UPF2: variants seen among roughly 807,000 people sequenced by gnomAD.
UPF2 encodes the protein UPF2 regulator of nonsense mediated mRNA decay.
In UPF2, 17 loss-of-function variants were observed where a neutral mutation model predicts 141.4. The observed-to-expected ratio is 0.12, with a 90% CI of 0.08 to 0.18. The LOEUF is 0.18. Among genes scored for constraint, UPF2 ranks in the 10% least tolerant of loss-of-function variants. UPF2 has a pLI of 1.00. For missense variants in UPF2, 1,152 were observed against 1,515.9 expected (o/e 0.76, Z 3.99); for synonymous variants, 540 against 498.0 (o/e 1.08, Z -1.12).
At chr10:11,957,963 G>C (rs1179373358) in intron 12 of UPF2, among the ~76,000 whole-genome samples, 3 of 152,086 alleles carry the variant, frequency 2.0e-5, no homozygotes, top group East Asian at 1.9e-4. Flanking sequence ...GTAAAACGGG[G>C]GATAACAAAA....
rs531187743 is a variant in UPF2 at position 11,939,106 on chromosome 10, G to A, written c.3379-2394C>T. Reference sequence around the variant, plus strand: ...AGGAGGGTCTCGATCTCCTGACCTCGTGATCCTCCCACCTCGGCCTCCCAA... The same window carrying A: ...AGGAGGGTCTCGATCTCCTGACCTCATGATCCTCCCACCTCGGCCTCCCAA... On this transcript the variant is annotated intron_variant, in intron 18 of 21. Coordinates refer to ENST00000357604, the MANE Select transcript of UPF2 (RefSeq NM_015542.4). This position sits in a 1 kb window ranked among gnomAD's most constrained non-coding sequence, Gnocchi z 4.8. 2.6e-4 allele frequency among the ~76,000 whole-genome samples: 40 copies of A among 152,004 alleles called. No individual in the cohort carries two copies. The South Asian group carries it at 8.3e-3, about 32-fold the overall frequency.
At chr10:11,964,824 G>A (rs901023113) in intron 10 of UPF2, among the ~76,000 whole-genome samples, 1 of 152,084 alleles carries the variant, frequency 6.6e-6, no homozygotes, top group South Asian at 2.1e-4. Context: ...AAATGTTTCG[G>A]ATTTCCAATT....
At position 12,029,402 on chromosome 10, in the gene UPF2, C is replaced by A; in HGVS notation, c.488G>T (p.Arg163Leu). Reference protein sequence around the residue: ...DSRPEENFFSRLDSSLKKNTA... With the variant: ...DSRPEENFFSLLDSSLKKNTA... ...ATTTTTCTTCAAACTTGAGTCGAGG[C>A]GGCTGAAGAAGTTTTCCTCTGGTCG... Residue 163 changes from arginine (R) to leucine (L), a missense_variant, in exon 3 of 22, where the codon CGC becomes CTC. Arg to Leu is a moderately radical substitution (Grantham distance 102, BLOSUM62 -2). This residue lies in a region of UPF2 where 739 missense variants were observed against 1,032.2 expected (regional missense o/e 0.72). Transcript: ENST00000357604. The A allele has an allele frequency of 1.9e-6, 3 of 1,614,182 alleles. No individual in the cohort carries two copies. Among genetic ancestry groups the A allele is most frequent in the Non-Finnish European group, 2.5e-6 (3 of 1,180,040 alleles).
chr10:12,038,865 G>C (rs914141068), intron 1 of UPF2, among the ~76,000 whole-genome samples: 1 of 151,932 alleles, frequency 6.6e-6, no homozygotes, highest in Non-Finnish European at 1.5e-5. Context: ...GTCTCAGTAC[G>C]TTGCCCTGGC....
intron 2 of UPF2, 61 bp downstream of exon 2, chr10:12,034,998 T>C (rs1834596098): frequency 6.6e-7 from 1 of 1,505,544 alleles, no homozygotes; most frequent in Non-Finnish European, 8.8e-7. Context: ...TAATGTTTTT[T>C]TCCCAAAATA....
chr10:11,944,226 A>G (rs1832972938), intron 16 of UPF2, among the ~76,000 whole-genome samples: 1 of 152,196 alleles, frequency 6.6e-6, no homozygotes, highest in African/African-American at 2.4e-5. Context: ...GGTCGGCGCC[A>G]TGGCTCACAC....
intron 17 of UPF2, 119 bp from the exon 18 acceptor site, chr10:11,942,882 T>C: frequency 1.1e-6 from 1 of 920,892 alleles, no homozygotes; most frequent in Non-Finnish European, 1.7e-6. Flanking sequence ...GTGAGTAAAA[T>C]ATCTAACATT....
At chr10:11,937,972 A>C (rs1003838879) in intron 18 of UPF2, among the ~76,000 whole-genome samples, 3 of 152,192 alleles carry the variant, frequency 2.0e-5, no homozygotes, top group African/African-American at 7.2e-5. Context: ...TAAAATATTT[A>C]AATACAAAAA....
rs543913593 is a variant in UPF2 at position 11,961,819 on chromosome 10, C to T, written c.2184+2190G>A. 2.6e-5 allele frequency among the ~76,000 whole-genome samples: 4 copies of T among 152,226 alleles called. No homozygotes were observed. In the South Asian group the frequency reaches 6.2e-4, roughly 24 times the overall value. On this transcript the variant is annotated intron_variant, in intron 11 of 21. Coordinates refer to ENST00000357604, the MANE Select transcript of UPF2 (RefSeq NM_015542.4). ...CCTATGGACTGCTTTTCTATCTGTG[C>T]GAAATCATCATATACTAGGAGAAAG...
At chr10:12,017,245 G>A (rs540414863) in intron 3 of UPF2, among the ~76,000 whole-genome samples, 3 of 152,164 alleles carry the variant, frequency 2.0e-5, no homozygotes, top group South Asian at 2.1e-4. Context: ...AAAAGAAATC[G>A]GAAAATATAT....
At chr10:12,007,978 G>C (rs1834063431) in intron 4 of UPF2, among the ~76,000 whole-genome samples, 1 of 151,496 alleles carries the variant, frequency 6.6e-6, no homozygotes, top group Non-Finnish European at 1.5e-5. Context: ...TGCCTCCTGG[G>C]TTCAAGCAAT....
At chr10:11,938,959 G>A (rs1832901805) in intron 18 of UPF2, among the ~76,000 whole-genome samples, 1 of 136,150 alleles carries the variant, frequency 7.3e-6, no homozygotes, top group African/African-American at 2.7e-5. Flanking sequence ...TGAAACCTCT[G>A]CCTCCTGGGT....
chr10:11,929,786 T>C, intron 21 of UPF2, 79 bp downstream of exon 21: 1 of 1,539,098 alleles, frequency 6.5e-7, no homozygotes, highest in Non-Finnish European at 8.8e-7. Flanking sequence ...TGCCAAAAAC[T>C]ATAATCCAGA....
Position 12,014,019 on chromosome 10 carries a change from C to CA in UPF2, c.1306+4_1306+5insT. The CA allele has an allele frequency of 6.5e-7, 1 of 1,540,910 alleles. No homozygotes were observed. The highest frequency in any genetic ancestry group is 8.8e-7 in the Non-Finnish European group (1 of 1,139,292). Reference sequence around the variant, plus strand: ...ACAATGTTTGTTTTTAAGGATATCTCTTACCTTCTGGTGTTGGTTTGTCTT... The same window carrying CA: ...ACAATGTTTGTTTTTAAGGATATCTCATTACCTTCTGGTGTTGGTTTGTCTT... On this transcript the variant is annotated splice_donor_region_variant and intron_variant, in intron 4 of 21. Transcript: ENST00000357604. This position sits in a 1 kb window ranked among gnomAD's most constrained non-coding sequence, Gnocchi z 5.0.
chr10:11,944,418 T>G (rs750055524), intron 16 of UPF2, among the ~76,000 whole-genome samples: 21 of 152,102 alleles, frequency 1.4e-4, no homozygotes, highest in Non-Finnish European at 2.1e-4. Flanking sequence ...CACTGGAATC[T>G]GGGAGGCAGA....
At chr10:11,988,110 C>T (rs73573516) in intron 8 of UPF2, among the ~76,000 whole-genome samples, 330 of 152,232 alleles carry the variant, frequency 2.2e-3, no homozygotes, top group African/African-American at 7.6e-3. Context: ...TGAATAGATA[C>T]TTCTCCAAAG....
At position 12,019,740 on chromosome 10, in the gene UPF2, T is replaced by C. The variant is rs1834285198; in HGVS notation, c.1146-5556A>G. ...TGGAGTGTTTTTTTTTGTTTTGTTT[T>C]TGAGATGGATTCTCGCTCTGCTGCC... On this transcript the variant is annotated intron_variant, in intron 3 of 21. Transcript: ENST00000357604. The surrounding 1 kb of genome is among the most constrained non-coding windows in gnomAD (Gnocchi z 4.5). Among the ~76,000 whole-genome samples, 1 of 152,202 alleles carries C rather than the reference T, an allele frequency of 6.6e-6. No individual in the cohort carries two copies. Among genetic ancestry groups the C allele is most frequent in the Admixed American group, 6.5e-5 (1 of 15,278 alleles).
rs916759533 is a variant in UPF2, at chr10:11,963,984, C to T, written c.2184+25G>A. 3 of 1,550,906 alleles carry T rather than the reference C, an allele frequency of 1.9e-6. No individual in the cohort carries two copies. In the African/African-American group the frequency reaches 4.1e-5, roughly 21 times the overall value. On this transcript the variant is annotated intron_variant, in intron 11 of 21. Transcript: ENST00000357604. Reference sequence around the variant, plus strand: ...ACAGGTAAATCAAGAACCTCTAGCTCTTACCAGCATCCTCAAGCCCTTACC... The same window carrying T: ...ACAGGTAAATCAAGAACCTCTAGCTTTTACCAGCATCCTCAAGCCCTTACC...
chr10:11,998,209 GTC>G lies in UPF2; in HGVS notation c.1759-454_1759-453del, dbSNP rs1455374988. ...AGCCTGATAAGCGGCCTCAGTGAAGGTCTCTCTGACCAACCCTTGTTTCTCTT... is the reference window on the plus strand; with the variant it reads ...AGCCTGATAAGCGGCCTCAGTGAAGGTCTCTGACCAACCCTTGTTTCTCTT... On this transcript the variant is annotated intron_variant, in intron 7 of 21. Transcript: ENST00000357604. This position sits in a 1 kb window ranked among gnomAD's most constrained non-coding sequence, Gnocchi z 4.5. 6.6e-6 allele frequency among the ~76,000 whole-genome samples: 1 copy of G among 152,072 alleles called. No individual in the cohort carries two copies. The highest frequency in any genetic ancestry group is 1.5e-5 in the Non-Finnish European group (1 of 68,016).
Sources: gnomAD v4.1 joint callset for allele counts (sites outside exome capture counted in the v4.1 genomes callset) on GRCh38, gnomAD v4.1.1 for gene constraint, gnomAD v4.1.1 regional missense constraint, Gnocchi (gnomAD v3.1) non-coding constraint, MANE v1.5 for transcripts, NCBI Gene and HGNC (gene_info 2026-07-23, HGNC 2026-07-21) for gene names.